The following ULK4 variants were observed in gnomAD, a reference collection of about 807,000 sequenced individuals.
ULK4 encodes the protein unc-51 like kinase 4.
A neutral mutation model predicts 160.6 loss-of-function variants in ULK4; 133 were observed. That is an observed-to-expected ratio of 0.83 (90% confidence interval 0.72 to 0.96). The LOEUF (loss-of-function observed/expected upper bound fraction) is 0.96. ULK4 is among the 40% of genes least tolerant of loss of function. The pLI is 0.00. For missense variants in ULK4, 1,580 were observed against 1,499.5 expected (o/e 1.05, Z -0.89); for synonymous variants, 534 against 539.8 (o/e 0.99, Z 0.15).
intron 7 of ULK4, among the ~76,000 whole-genome samples, chr3:41,917,960 C>T (rs13321282): frequency 0.68 from 103,545 of 151,744 alleles, 38,801 homozygotes; most frequent in East Asian, 0.83. Context: ...GCACTCCAGC[C>T]TGGGCAACAG....
intron 21 of ULK4, among the ~76,000 whole-genome samples, chr3:41,757,660 G>C (rs961276902): frequency 1.4e-4 from 21 of 146,596 alleles, no homozygotes; most frequent in African/African-American, 5.4e-4. Flanking sequence ...AAAGTTAAGA[G>C]TCTCACTCTG....
Position 41,309,714 on chromosome 3 carries a change from G to A in ULK4, c.3679-60140C>T, listed in dbSNP as rs79952353. ...TAGTTATACAATTATGCCAAAAGTC[G>A]GTTAAAATACTTTTCTAAAACACAG... On this transcript the variant is annotated intron_variant, in intron 35 of 36. Transcript: ENST00000301831. Among the ~76,000 whole-genome samples the A allele has an allele frequency of 9.7e-3, 1,468 of 151,966 alleles. 68 individuals carry two copies. In the East Asian group the frequency reaches 0.16, roughly 16 times the overall value.
rs920246536 is a variant in ULK4 at position 41,409,766 on chromosome 3, T to C, written c.3493-11502A>G. 3.3e-5 allele frequency among the ~76,000 whole-genome samples: 5 copies of C among 151,956 alleles called. No individual in the cohort carries two copies. The East Asian group carries it at 5.8e-4, about 18-fold the overall frequency. On this transcript the variant is annotated intron_variant, in intron 34 of 36. Transcript: ENST00000301831. ...GAGTTTGAGACCAGCCTGGCCAACA[T>C]GGTGAAACCTCATCTCTACTAAAAA...
At chr3:41,542,161 A>G (rs1272174412) in intron 32 of ULK4, among the ~76,000 whole-genome samples, 1 of 152,060 alleles carries the variant, frequency 6.6e-6, no homozygotes, top group Non-Finnish European at 1.5e-5. Flanking sequence ...GTTTGTCATA[A>G]ACAGCTGTTA....
At chr3:41,265,246 G>T (rs1467160421) in intron 35 of ULK4, among the ~76,000 whole-genome samples, 1 of 152,212 alleles carries the variant, frequency 6.6e-6, no homozygotes, top group Non-Finnish European at 1.5e-5. Context: ...AAGGTGGCCA[G>T]CTCTGAGAAT....
chr3:41,671,640 C>T (rs9819209), intron 29 of ULK4, among the ~76,000 whole-genome samples: 2,361 of 152,102 alleles, frequency 0.016, 62 homozygotes, highest in African/African-American at 0.053. Flanking sequence ...ATAGGGAAAA[C>T]TCTTCAGGAC....
At chr3:41,413,076 A>G (rs994885425) in intron 34 of ULK4, among the ~76,000 whole-genome samples, 3 of 152,160 alleles carry the variant, frequency 2.0e-5, no homozygotes, top group Non-Finnish European at 4.4e-5. Flanking sequence ...AGGCCTCACA[A>G]TCATGGCGGA....
chr3:41,672,089 T>C (rs758151036), intron 29 of ULK4, among the ~76,000 whole-genome samples: 5 of 152,130 alleles, frequency 3.3e-5, no homozygotes, highest in Non-Finnish European at 5.9e-5. Flanking sequence ...TTGGCAAGGA[T>C]GCGGAGAAAA....
rs913964540 is a variant in ULK4, at chr3:41,736,501, T to A, written c.2321+17860A>T. Among the ~76,000 whole-genome samples, 7 of 152,012 alleles carry A rather than the reference T, an allele frequency of 4.6e-5. 1 individual carries two copies. The highest frequency in any genetic ancestry group is 1.3e-4 in the Admixed American group (2 of 15,280). On this transcript the variant is annotated intron_variant, in intron 22 of 36. Transcript: ENST00000301831. Reference sequence around the variant, plus strand: ...TGCATAAATGTCTTCTTTTGAGAAGTGTCTGTTCATATCCTTCGCCCACTT... The same window carrying A: ...TGCATAAATGTCTTCTTTTGAGAAGAGTCTGTTCATATCCTTCGCCCACTT...
intron 35 of ULK4, among the ~76,000 whole-genome samples, chr3:41,377,626 CTCA>C (rs1342008977): frequency 6.9e-6 from 1 of 145,570 alleles, no homozygotes; most frequent in Non-Finnish European, 1.5e-5. Flanking sequence ...TGAAAAAATG[CTCA>C]TCATCACTGG....
At chr3:41,596,259 C>A (rs1174228994) in intron 31 of ULK4, among the ~76,000 whole-genome samples, 6 of 152,186 alleles carry the variant, frequency 3.9e-5, no homozygotes, top group Admixed American at 3.9e-4. Context: ...CATAAAGCAG[C>A]ATGAATTTCC....
intron 35 of ULK4, among the ~76,000 whole-genome samples, chr3:41,305,043 G>A (rs1486846957): frequency 6.6e-6 from 1 of 152,192 alleles, no homozygotes; most frequent in Non-Finnish European, 1.5e-5. Flanking sequence ...ATGCTCTGCA[G>A]AAAAAAGTTA....
intron 35 of ULK4, among the ~76,000 whole-genome samples, chr3:41,385,290 G>C (rs1346540267): frequency 6.6e-6 from 1 of 152,050 alleles, no homozygotes; most frequent in East Asian, 1.9e-4. Context: ...TTAATAAAAA[G>C]AAGAGTAAAA....
chr3:41,774,343 C>A (rs1033442482), intron 21 of ULK4, among the ~76,000 whole-genome samples: 2 of 150,450 alleles, frequency 1.3e-5, no homozygotes, highest in African/African-American at 2.5e-5. Context: ...GGCTAATATC[C>A]AGAATCTACA....
chr3:41,733,725 ATTT>A (rs778572755), intron 22 of ULK4, among the ~76,000 whole-genome samples: 4 of 93,618 alleles, frequency 4.3e-5, no homozygotes, highest in East Asian at 6.9e-4. Flanking sequence ...TAAACACATG[ATTT>A]TTTTTTTTTT....
chr3:41,961,365 T>C (rs1700659652), intron 1 of ULK4, among the ~76,000 whole-genome samples: 1 of 152,136 alleles, frequency 6.6e-6, no homozygotes, highest in African/African-American at 2.4e-5. Context: ...CGGTAGGGCC[T>C]GGCCTTCTGT....
rs1697628517 is a variant in ULK4, at chr3:41,884,080, G to T, written c.1578-128C>A. The T allele has an allele frequency of 8.5e-6, 6 of 703,408 alleles. No homozygotes were observed. In the East Asian group the frequency reaches 1.3e-4, roughly 16 times the overall value. 43.6% of individuals were successfully genotyped at this position (703,408 alleles called of 1,614,324 possible). On this transcript the variant is annotated intron_variant, in intron 16 of 36. Coordinates refer to ENST00000301831, the MANE Select transcript of ULK4 (RefSeq NM_017886.4). The stretch of plus-strand genomic sequence containing the variant: ...TGAGAAATAAAAATTGAATGTGACA[G>T]GTCAGGCCCACACTCCCACATGTAC...
intron 12 of ULK4, among the ~76,000 whole-genome samples, chr3:41,902,149 C>CAGTGA (rs1275624981): frequency 6.6e-6 from 1 of 151,778 alleles, no homozygotes; most frequent in Non-Finnish European, 1.5e-5. Context: ...AAAAGTAAAT[C>CAGTGA]AGTGAAGTAA....
At chr3:41,665,309 T>G (rs562374053) in intron 29 of ULK4, among the ~76,000 whole-genome samples, 1 of 151,920 alleles carries the variant, frequency 6.6e-6, no homozygotes, top group Non-Finnish European at 1.5e-5. Context: ...AGGCAACCAA[T>G]GAATTGTAAG....
Sources: allele counts gnomAD v4.1 joint callset (sites outside exome capture counted in the v4.1 genomes callset), GRCh38; gene constraint gnomAD v4.1.1; transcripts MANE v1.5; gene names NCBI Gene and HGNC (gene_info 2026-07-23, HGNC 2026-07-21).